MELK: variants seen among roughly 807,000 people sequenced by gnomAD.
MELK encodes the protein pEg3 kinase.
MELK carries 81 observed loss-of-function variants against 85.0 expected under a neutral mutation model. The ratio of observed to expected loss-of-function variants is 0.95; its 90% CI spans 0.80 to 1.15. The LOEUF (loss-of-function observed/expected upper bound fraction) is 1.15, where lower values mean the gene tolerates loss of function less well. MELK is among the 50% of genes most tolerant of loss of function. The pLI is 0.00. For missense variants in MELK, 754 were observed against 777.5 expected, an observed-to-expected ratio of 0.97 and a Z score of 0.36; for synonymous variants, 252 against 265.0, an observed-to-expected ratio of 0.95 and a Z score of 0.48.
chr9:36,604,994 G>C (rs1354088560), intron 7 of MELK, among the ~76,000 whole-genome samples: 1 of 151,826 alleles, frequency 6.6e-6, no homozygotes, highest in East Asian at 1.9e-4. Flanking sequence ...TGTCCCCCAG[G>C]CTGGAGTGCA....
chr9:36,576,847 A>G (rs1365600269), intron 1 of MELK, among the ~76,000 whole-genome samples: 2 of 152,060 alleles, frequency 1.3e-5, no homozygotes, highest in African/African-American at 2.4e-5. Context: ...TTACTTGCTG[A>G]TAATAATTTT....
chr9:36,626,902 T>C (rs1192047729), intron 8 of MELK, among the ~76,000 whole-genome samples: 2 of 146,064 alleles, frequency 1.4e-5, no homozygotes, highest in African/African-American at 5.1e-5. Context: ...GAGGCTGCAG[T>C]GAGCCAAGAT....
At chr9:36,586,621 A>T (rs1822928806) in intron 3 of MELK, among the ~76,000 whole-genome samples, 1 of 152,204 alleles carries the variant, frequency 6.6e-6, no homozygotes, top group Non-Finnish European at 1.5e-5. Flanking sequence ...TCCCTTAAGC[A>T]GTTTAAATTT....
At chr9:36,586,569 A>AT (rs1413779541) in intron 3 of MELK, among the ~76,000 whole-genome samples, 1 of 152,122 alleles carries the variant, frequency 6.6e-6, no homozygotes, top group Non-Finnish European at 1.5e-5. Flanking sequence ...CATTAAAACC[A>AT]TTTTTCTTGA....
At chr9:36,575,829 T>G (rs1821599280) in intron 1 of MELK, among the ~76,000 whole-genome samples, 1 of 152,196 alleles carries the variant, frequency 6.6e-6, no homozygotes, top group South Asian at 2.1e-4. Flanking sequence ...AATAGCCCAG[T>G]CCTTTGCATG....
intron 8 of MELK, among the ~76,000 whole-genome samples, chr9:36,615,462 C>G (rs1251426440): frequency 7.0e-6 from 1 of 143,792 alleles, no homozygotes; most frequent in Non-Finnish European, 1.5e-5. Context: ...CCACCTCCCT[C>G]CCGGATGGGG....
At chr9:36,617,870 A>C (rs1322930875) in intron 8 of MELK, among the ~76,000 whole-genome samples, 1 of 152,214 alleles carries the variant, frequency 6.6e-6, no homozygotes, top group African/African-American at 2.4e-5. Flanking sequence ...TCGTGCCTGT[A>C]GTCCCAGCAC....
chr9:36,602,897 A>T (rs1825082320), intron 7 of MELK, among the ~76,000 whole-genome samples: 1 of 152,158 alleles, frequency 6.6e-6, no homozygotes, highest in African/African-American at 2.4e-5. Flanking sequence ...ACCCTATCCC[A>T]TAAGATAAAG....
intron 7 of MELK, among the ~76,000 whole-genome samples, chr9:36,601,995 A>T (rs1379053496): frequency 6.6e-6 from 1 of 152,136 alleles, no homozygotes; most frequent in Non-Finnish European, 1.5e-5. Flanking sequence ...AATTGCTTCC[A>T]CCTTTTGGCA....
chr9:36,614,427 T>TTTTTG (rs989369485), intron 8 of MELK, among the ~76,000 whole-genome samples: 4 of 134,438 alleles, frequency 3.0e-5, no homozygotes, highest in African/African-American at 1.3e-4. Context: ...ATTTTTGGGT[T>TTTTTG]TTTTTTTTTT....
At chr9:36,649,614 C>G (rs964385142) in intron 11 of MELK, among the ~76,000 whole-genome samples, 5 of 151,614 alleles carry the variant, frequency 3.3e-5, no homozygotes, top group African/African-American at 1.2e-4. Flanking sequence ...ACTAAAAATA[C>G]AAAAATTAGC....
At chr9:36,646,039 G>A (rs1473401702) in intron 11 of MELK, among the ~76,000 whole-genome samples, 5 of 152,182 alleles carry the variant, frequency 3.3e-5, no homozygotes, top group South Asian at 4.1e-4. Flanking sequence ...TTTGGTTGTC[G>A]TAACTGGGGT....
In MELK at chr9:36,671,148, C is replaced by A. The variant is rs115242044; in HGVS notation, c.1656C>A (p.Asp552Glu). The A allele has an allele frequency of 6.2e-7, 1 of 1,604,032 alleles. No homozygotes were observed. The highest frequency in any genetic ancestry group is 1.3e-5 in the African/African-American group (1 of 74,514). Residue 552 changes from aspartate (D) to glutamate (E), a missense_variant, in exon 16 of 18, where the codon GAC (aspartate) becomes GAA (glutamate). Physicochemically the swap from Asp to Glu is conservative, Grantham distance 45 (BLOSUM62 2). Coordinates refer to ENST00000298048, the MANE Select transcript of MELK (RefSeq NM_014791.4). The part of the protein sequence containing the change: ...TRSKRKGSAR[D>E]GPRRLKLHYN... Reference sequence around the variant, plus strand: ...GCAAAAGGAAGGGTTCTGCCAGAGACGGGCCCAGAAGACTAAAGGTAAGCA... The same window carrying A: ...GCAAAAGGAAGGGTTCTGCCAGAGAAGGGCCCAGAAGACTAAAGGTAAGCA...
chr9:36,622,610 T>G (rs143671499), intron 8 of MELK, among the ~76,000 whole-genome samples: 2 of 152,324 alleles, frequency 1.3e-5, no homozygotes, highest in Non-Finnish European at 2.9e-5. Context: ...ACTCCAGCTG[T>G]GGTATACAAA....
intron 8 of MELK, among the ~76,000 whole-genome samples, chr9:36,615,227 A>G (rs1374773942): frequency 1.6e-5 from 2 of 123,746 alleles, no homozygotes; most frequent in African/African-American, 3.2e-5. Context: ...CCCAGACGGC[A>G]CGGCTGGCCA....
At chr9:36,579,302 C>T (rs555348032) in intron 1 of MELK, among the ~76,000 whole-genome samples, 1 of 152,070 alleles carries the variant, frequency 6.6e-6, no homozygotes, top group African/African-American at 2.4e-5. Flanking sequence ...GCTGGGATTA[C>T]AGGCATGAGC....
At chr9:36,658,052 T>A (rs76328783) in intron 13 of MELK, among the ~76,000 whole-genome samples, 2,904 of 151,932 alleles carry the variant, frequency 0.019, 82 homozygotes, top group African/African-American at 0.063. Context: ...CAAAATTCCC[T>A]CATTCCCCTT....
chr9:36,629,497 A>AGT (rs1251384390), intron 8 of MELK, among the ~76,000 whole-genome samples: 25 of 152,320 alleles, frequency 1.6e-4, no homozygotes, highest in African/African-American at 5.5e-4. Flanking sequence ...TATTTACCTT[A>AGT]GAAAGTGGCT....
At chr9:36,656,220 G>C (rs919330966) in intron 12 of MELK, among the ~76,000 whole-genome samples, 1 of 152,158 alleles carries the variant, frequency 6.6e-6, no homozygotes, top group Non-Finnish European at 1.5e-5. Flanking sequence ...TCACTACCCT[G>C]TATATTCTTA....
Sources: gnomAD v4.1 joint callset for allele counts (sites outside exome capture counted in the v4.1 genomes callset) on GRCh38, gnomAD v4.1.1 for gene constraint, MANE v1.5 for transcripts, NCBI Gene and HGNC (gene_info 2026-07-23, HGNC 2026-07-21) for gene names.